The following CTNND2 variants were observed in gnomAD, a reference collection of about 807,000 sequenced individuals.
CTNND2 encodes catenin delta 2.
CTNND2 carries 22 observed loss-of-function variants against 144.4 expected under a neutral mutation model. The observed-to-expected ratio is 0.15, with a 90% CI of 0.11 to 0.22. The LOEUF (loss-of-function observed/expected upper bound fraction) is 0.22, where lower values mean the gene tolerates loss of function less well. CTNND2 is among the 10% of genes least tolerant of loss of function. The pLI is 1.00. For synonymous variants in CTNND2, 751 were observed against 695.6 expected (o/e 1.08, Z -1.25); for missense variants, 1,353 against 1,618.8 (o/e 0.84, Z 2.82).
intron 9 of CTNND2, among the ~76,000 whole-genome samples, chr5:11,257,649 C>A (rs1449597918): frequency 6.6e-6 from 1 of 152,150 alleles, no homozygotes; most frequent in African/African-American, 2.4e-5. Context: ...CACTAGGTTT[C>A]TCCCAAGACA....
chr5:11,896,438 A>G (rs979525413), intron 1 of CTNND2, among the ~76,000 whole-genome samples: 4 of 152,182 alleles, frequency 2.6e-5, no homozygotes, highest in Non-Finnish European at 5.9e-5. Context: ...ACTACTTTTG[A>G]AAACAAACAA....
chr5:11,567,505 C>A (rs763092432), intron 2 of CTNND2, among the ~76,000 whole-genome samples: 2 of 152,174 alleles, frequency 1.3e-5, no homozygotes, highest in Non-Finnish European at 2.9e-5. Flanking sequence ...AATTGTCCCA[C>A]AGTTCATGGA....
intron 3 of CTNND2, among the ~76,000 whole-genome samples, chr5:11,462,123 AC>A (rs1766275017): frequency 6.6e-6 from 1 of 151,974 alleles, no homozygotes; most frequent in Non-Finnish European, 1.5e-5. Context: ...GAATGTCCCC[AC>A]CCCACTATAA....
At chr5:11,896,214 T>C (rs1374218555) in intron 1 of CTNND2, among the ~76,000 whole-genome samples, 2 of 152,122 alleles carry the variant, frequency 1.3e-5, no homozygotes, top group African/African-American at 4.8e-5. Flanking sequence ...TAATGTTATA[T>C]AAAGGTATGG....
intron 12 of CTNND2, among the ~76,000 whole-genome samples, chr5:11,118,193 C>T (rs377150301): frequency 1.1e-4 from 17 of 152,196 alleles, no homozygotes; most frequent in African/African-American, 2.2e-4. Context: ...TGTGTGGCTA[C>T]GAAGCAGAGA....
intron 16 of CTNND2, among the ~76,000 whole-genome samples, chr5:11,039,984 C>T (rs1744517550): frequency 6.6e-6 from 1 of 152,112 alleles, no homozygotes; most frequent in South Asian, 2.1e-4. Flanking sequence ...ATCAGTTGGA[C>T]CTGGGAGGCA....
At chr5:11,883,691 T>A (rs1437040262) in intron 1 of CTNND2, among the ~76,000 whole-genome samples, 1 of 152,212 alleles carries the variant, frequency 6.6e-6, no homozygotes, top group East Asian at 1.9e-4. Flanking sequence ...TTCGGTTATA[T>A]ACCCAGTAAT....
intron 12 of CTNND2, among the ~76,000 whole-genome samples, chr5:11,126,269 C>A (rs1231453470): frequency 6.6e-6 from 1 of 152,080 alleles, no homozygotes; most frequent in Non-Finnish European, 1.5e-5. Context: ...CCATTGCACT[C>A]CAGCCTGGGC....
intron 9 of CTNND2, among the ~76,000 whole-genome samples, chr5:11,308,829 A>C (rs1055213856): frequency 6.6e-6 from 1 of 152,132 alleles, no homozygotes; most frequent in Non-Finnish European, 1.5e-5. Flanking sequence ...GTAATTTATA[A>C]AAAAGAGGTT....
At chr5:11,598,223 G>C (rs944117388) in intron 2 of CTNND2, among the ~76,000 whole-genome samples, 6 of 152,104 alleles carry the variant, frequency 3.9e-5, no homozygotes, top group Non-Finnish European at 7.4e-5. Flanking sequence ...ATAGTTTTAA[G>C]TTTGTCTTCT....
At chr5:11,863,752 G>A (rs139990596) in intron 1 of CTNND2, among the ~76,000 whole-genome samples, 5 of 152,176 alleles carry the variant, frequency 3.3e-5, no homozygotes, top group South Asian at 2.1e-4. Context: ...TAATAAAATC[G>A]CATATTGGAA....
chr5:11,027,205 C>T lies in CTNND2; in HGVS notation c.2789-4226G>A, dbSNP rs1425887684. The T allele has an allele frequency of 3.9e-5, 6 of 152,148 alleles. No individual in the cohort carries two copies. In the South Asian group the frequency reaches 6.2e-4, roughly 16 times the overall value. 9.4% of individuals were successfully genotyped at this position (152,148 alleles called of 1,614,324 possible). A position where few individuals can be genotyped will look rare whatever the true frequency, so the allele number is the denominator to read the frequency against. Reference sequence around the variant, plus strand: ...TCTGAAAAAGGGAAATCATGGTGCTCGCTTCGGCAGCACATATACTAAAAT... The same window carrying T: ...TCTGAAAAAGGGAAATCATGGTGCTTGCTTCGGCAGCACATATACTAAAAT... On this transcript the variant is annotated intron_variant, in intron 16 of 21. Coordinates refer to ENST00000304623, the MANE Select transcript of CTNND2 (RefSeq NM_001332.4).
intron 12 of CTNND2, among the ~76,000 whole-genome samples, chr5:11,119,300 C>T (rs1262455637): frequency 2.0e-5 from 3 of 152,162 alleles, no homozygotes; most frequent in Non-Finnish European, 1.5e-5. Context: ...TTAAGATAGG[C>T]TCTATCAGCA....
chr5:11,515,823 A>G (rs1772114170), intron 3 of CTNND2, among the ~76,000 whole-genome samples: 1 of 152,212 alleles, frequency 6.6e-6, no homozygotes, highest in East Asian at 1.9e-4. Context: ...AAATTTGTTA[A>G]TAGTTCAATT....
rs180822875 is a variant in CTNND2, at chr5:11,349,561, T to C, written c.1373-2934A>G. On this transcript the variant is annotated intron_variant, in intron 8 of 21. Coordinates refer to ENST00000304623, the MANE Select transcript of CTNND2 (RefSeq NM_001332.4). ...CAGGGCAGGTTTAAAACCTCAAAGCTGTAGATTATTGAATTACCTAATACG... is the reference window on the plus strand; with the variant it reads ...CAGGGCAGGTTTAAAACCTCAAAGCCGTAGATTATTGAATTACCTAATACG... 1.4e-3 allele frequency among the ~76,000 whole-genome samples: 206 copies of C among 152,256 alleles called. 1 individual carries two copies. Among genetic ancestry groups the C allele is most frequent in the African/African-American group, 4.8e-3 (200 of 41,538 alleles).
chr5:11,098,771 G>A (rs754530231), intron 14 of CTNND2, 23 bp from the exon 15 acceptor site: 1 of 1,609,198 alleles, frequency 6.2e-7, no homozygotes, highest in Admixed American at 1.7e-5. Flanking sequence ...AAACAAGAGA[G>A]CAAACATCTT....
rs146377395 is a variant in CTNND2 at position 11,477,869 on chromosome 5, G to A, written c.288-65800C>T. On this transcript the variant is annotated intron_variant, in intron 3 of 21. Coordinates refer to ENST00000304623, the MANE Select transcript of CTNND2 (RefSeq NM_001332.4). Reference sequence around the variant, plus strand: ...AGAAGAGAATGTTGTTATGAATAGCGGACCAATGGAAATGATCTCCTGTAC... The same window carrying A: ...AGAAGAGAATGTTGTTATGAATAGCAGACCAATGGAAATGATCTCCTGTAC... Among the ~76,000 whole-genome samples the A allele has an allele frequency of 2.3e-3, 355 of 152,194 alleles. 2 individuals are homozygous for A. The highest frequency in any genetic ancestry group is 8.2e-3 in the African/African-American group (342 of 41,510).
chr5:11,180,046 G>A (rs767583996), intron 11 of CTNND2, among the ~76,000 whole-genome samples: 1 of 152,138 alleles, frequency 6.6e-6, no homozygotes, highest in Non-Finnish European at 1.5e-5. Context: ...GGGTTGATAT[G>A]GTTTGCTCTG....
At chr5:10,990,213 A>G (rs747252275) in intron 19 of CTNND2, among the ~76,000 whole-genome samples, 3 of 152,172 alleles carry the variant, frequency 2.0e-5, no homozygotes, top group Non-Finnish European at 4.4e-5. Flanking sequence ...GAGGGAAGAG[A>G]GGTTCCAGGG....
Sources: gnomAD v4.1 joint callset for allele counts (sites outside exome capture counted in the v4.1 genomes callset) on GRCh38, gnomAD v4.1.1 for gene constraint, MANE v1.5 for transcripts, NCBI Gene and HGNC (gene_info 2026-07-23, HGNC 2026-07-21) for gene names.